The following PPARGC1A variants were observed in gnomAD, a reference collection of about 807,000 sequenced individuals.
PPARGC1A encodes peroxisome proliferator-activated receptor gamma coactivator 1-alpha.
Under a neutral mutation model 88.7 loss-of-function variants are expected in PPARGC1A, and 25 were observed. The ratio of observed to expected loss-of-function variants is 0.28; its 90% confidence interval spans 0.21 to 0.39. The LOEUF (loss-of-function observed/expected upper bound fraction) is 0.39, where lower values mean the gene tolerates loss of function less well. Ranked by LOEUF, PPARGC1A falls within the 10% of genes least tolerant of loss-of-function variation. PPARGC1A has a pLI of 1.00. For synonymous variants in PPARGC1A, 363 were observed against 355.6 expected, an observed-to-expected ratio of 1.02 and a Z score of -0.24; for missense variants, 880 against 968.7, an observed-to-expected ratio of 0.91 and a Z score of 1.22.
the PPARGC1A span, among the ~76,000 whole-genome samples, chr4:24,253,730 C>T: frequency 6.4e-5 from 8 of 125,564 alleles, no homozygotes; most frequent in Non-Finnish European, 1.5e-4. Flanking sequence ...ACACACCTCA[C>T]TTGCCTAGTG....
chr4:23,940,612 A>T, the PPARGC1A span, among the ~76,000 whole-genome samples: 1 of 152,250 alleles, frequency 6.6e-6, no homozygotes, highest in Non-Finnish European at 1.5e-5. Context: ...TCAAATGAAC[A>T]GTAATTGTAT....
chr4:24,036,031 G>T, the PPARGC1A span, among the ~76,000 whole-genome samples: 1 of 152,260 alleles, frequency 6.6e-6, no homozygotes, highest in East Asian at 1.9e-4. Context: ...AGACTACCTA[G>T]GTTCCAATCC....
chr4:24,199,746 T>C, the PPARGC1A span, among the ~76,000 whole-genome samples: 16 of 152,216 alleles, frequency 1.1e-4, no homozygotes, highest in African/African-American at 3.6e-4. Context: ...GAAGCGGTCA[T>C]TCCCCTGCAC....
chr4:23,986,163 T>C, the PPARGC1A span, among the ~76,000 whole-genome samples: 1 of 152,162 alleles, frequency 6.6e-6, no homozygotes, highest in Admixed American at 6.6e-5. Context: ...AGAAAATTTC[T>C]AGTAAACACT....
chr4:23,805,506 T>C (rs889658675), intron 10 of PPARGC1A, among the ~76,000 whole-genome samples: 4 of 152,180 alleles, frequency 2.6e-5, no homozygotes, highest in South Asian at 2.1e-4. Flanking sequence ...TATGTCTCAA[T>C]TGAAGGCTGT....
At chr4:23,931,715 T>A in the PPARGC1A span, among the ~76,000 whole-genome samples, 5 of 152,136 alleles carry the variant, frequency 3.3e-5, no homozygotes, top group Non-Finnish European at 5.9e-5. Flanking sequence ...GGAAAAATAA[T>A]ACCTAAGTTA....
chr4:24,433,701 A>G, the PPARGC1A span, among the ~76,000 whole-genome samples: 1 of 151,988 alleles, frequency 6.6e-6, no homozygotes, highest in African/African-American at 2.4e-5. Flanking sequence ...CTCCTTTTTC[A>G]TCATCTCTCT....
the PPARGC1A span, among the ~76,000 whole-genome samples, chr4:24,145,371 T>C: frequency 1.2e-4 from 18 of 152,328 alleles, no homozygotes; most frequent in Non-Finnish European, 2.1e-4. Context: ...TGACCATTGC[T>C]GCCAACAGAT....
At chr4:24,317,596 A>AAAAAC in the PPARGC1A span, among the ~76,000 whole-genome samples, 14 of 131,208 alleles carry the variant, frequency 1.1e-4, no homozygotes, top group African/African-American at 3.5e-4. Context: ...AAAAAAAAAA[A>AAAAAC]CACCACCACC....
At chr4:23,929,660 T>C in the PPARGC1A span, among the ~76,000 whole-genome samples, 4 of 152,226 alleles carry the variant, frequency 2.6e-5, no homozygotes, top group South Asian at 2.1e-4. Flanking sequence ...GGAAGAAAGA[T>C]TGGCAATGGC....
chr4:23,858,001 A>G (rs1012253052), intron 2 of PPARGC1A, among the ~76,000 whole-genome samples: 1 of 151,834 alleles, frequency 6.6e-6, no homozygotes, highest in South Asian at 2.1e-4. Flanking sequence ...AACAACTACT[A>G]TGGCTAAATT....
the PPARGC1A span, among the ~76,000 whole-genome samples, chr4:24,411,617 G>T: frequency 1.4e-4 from 22 of 152,284 alleles, no homozygotes; most frequent in South Asian, 2.9e-3. Flanking sequence ...AACCACCACT[G>T]TAGTATCATA....
At chr4:24,211,228 A>G in the PPARGC1A span, among the ~76,000 whole-genome samples, 1 of 152,268 alleles carries the variant, frequency 6.6e-6, no homozygotes, top group African/African-American at 2.4e-5. Flanking sequence ...CTTCTAAACA[A>G]TGAGAAACCT....
At chr4:24,433,257 C>A in the PPARGC1A span, among the ~76,000 whole-genome samples, 7 of 152,256 alleles carry the variant, frequency 4.6e-5, no homozygotes, top group Admixed American at 2.0e-4. Context: ...ACATTTCCAA[C>A]CACTGTCCCT....
the PPARGC1A span, among the ~76,000 whole-genome samples, chr4:24,471,039 G>C: frequency 6.6e-6 from 1 of 151,230 alleles, no homozygotes; most frequent in Non-Finnish European, 1.5e-5. This position sits in a 1 kb window ranked among gnomAD's most constrained non-coding sequence, Gnocchi z 5.4. Context: ...CGCCAGCGCC[G>C]GCGAGCGCGG....
the PPARGC1A span, among the ~76,000 whole-genome samples, chr4:24,431,102 G>T: frequency 6.9e-6 from 1 of 144,776 alleles, no homozygotes; most frequent in Non-Finnish European, 1.5e-5. Flanking sequence ...TCCAGCCTGG[G>T]AGACAGAGCA....
At chr4:24,316,427 C>T in the PPARGC1A span, among the ~76,000 whole-genome samples, 2 of 152,184 alleles carry the variant, frequency 1.3e-5, no homozygotes, top group Non-Finnish European at 2.9e-5. Flanking sequence ...GTTTGTTATT[C>T]GATAACCTGC....
the PPARGC1A span, among the ~76,000 whole-genome samples, chr4:23,979,978 G>C: frequency 6.6e-6 from 1 of 152,018 alleles, no homozygotes. Flanking sequence ...TAGCCAGGGG[G>C]TAATTAGGGG....
chr4:23,885,530 A>G (rs916837992), intron 1 of PPARGC1A, among the ~76,000 whole-genome samples: 2 of 152,168 alleles, frequency 1.3e-5, no homozygotes, highest in Non-Finnish European at 2.9e-5. Flanking sequence ...ATTTACTCTT[A>G]TTTGACTCTT....
Sources: allele counts gnomAD v4.1 joint callset (sites outside exome capture counted in the v4.1 genomes callset), GRCh38; gene constraint gnomAD v4.1.1; non-coding constraint Gnocchi (gnomAD v3.1); transcripts MANE v1.5; gene names NCBI Gene and HGNC (gene_info 2026-07-23, HGNC 2026-07-21).